Variants in SGCD observed in about 807,000 individuals in gnomAD.
The protein encoded by SGCD is sarcoglycan delta.
A neutral mutation model predicts 36.6 loss-of-function variants in SGCD; 18 were observed. The observed-to-expected ratio is 0.49, with a 90% CI of 0.34 to 0.73. The LOEUF is 0.73. Ranked by LOEUF, SGCD falls within the 30% of genes least tolerant of loss-of-function variation. The pLI, the probability that SGCD is intolerant of heterozygous loss-of-function variation, is 0.01. For missense variants in SGCD, 387 were observed against 346.7 expected (o/e 1.12, Z -0.92); for synonymous variants, 133 against 130.6 (o/e 1.02, Z -0.12).
Position 156,067,945 on chromosome 5 carries a change from C to A in SGCD, c.-281-49933C>A, listed in dbSNP as rs1317585068. Among the ~76,000 whole-genome samples the A allele has an allele frequency of 1.6e-4, 20 of 128,690 alleles. No homozygotes were observed. In the East Asian group the frequency reaches 3.9e-3, roughly 25 times the overall value. The allele number at this position is 128,690 out of a possible 152,430, so 84.4% of individuals were successfully genotyped here. A position where few individuals can be genotyped will look rare whatever the true frequency, so the allele number is the denominator to read the frequency against. ...GCTGTAGACCGGAGCTGTTCCTATTCGGCCATCTTGGCTCCTCCCCCCCAC... is the reference window on the plus strand; with the variant it reads ...GCTGTAGACCGGAGCTGTTCCTATTAGGCCATCTTGGCTCCTCCCCCCCAC... On this transcript the variant is annotated intron_variant, in intron 1 of 9. Coordinates refer to the SGCD transcript ENST00000517913.
intron 1 of SGCD, among the ~76,000 whole-genome samples, chr5:155,971,296 G>A (rs567053012): frequency 6.6e-6 from 1 of 152,252 alleles, no homozygotes; most frequent in East Asian, 1.9e-4. Flanking sequence ...CTGTCTGGCA[G>A]CAAAGTTCTC....
chr5:156,011,065 A>G (rs1455994993), intron 1 of SGCD, among the ~76,000 whole-genome samples: 1 of 152,190 alleles, frequency 6.6e-6, no homozygotes, highest in Non-Finnish European at 1.5e-5. Context: ...CATGTTTACC[A>G]TTGTGGCTTT....
the SGCD span, among the ~76,000 whole-genome samples, chr5:155,741,396 C>T: frequency 0.05 from 7,657 of 152,166 alleles, 264 homozygotes; most frequent in Middle Eastern, 0.16. Context: ...GAGAGTTTTG[C>T]GGGGCCATTT....
At chr5:155,747,218 A>G in the SGCD span, among the ~76,000 whole-genome samples, 1 of 152,236 alleles carries the variant, frequency 6.6e-6, no homozygotes, top group Admixed American at 6.5e-5. Context: ...TTTAAACAAA[A>G]TGTAATGTAG....
At chr5:156,300,452 C>A (rs1033962299) in intron 3 of SGCD, among the ~76,000 whole-genome samples, 1 of 151,928 alleles carries the variant, frequency 6.6e-6, no homozygotes, top group African/African-American at 2.4e-5. Flanking sequence ...TAATTGATTT[C>A]CAGTTTTATT....
chr5:156,704,310 T>C (rs1754652927), intron 7 of SGCD: 1 of 152,178 alleles, frequency 6.6e-6, no homozygotes, highest in African/African-American at 2.4e-5. Context: ...ACAATTCCAA[T>C]AAAAATTCTG....
intron 1 of SGCD, among the ~76,000 whole-genome samples, chr5:155,956,587 T>C (rs1273480429): frequency 6.6e-6 from 1 of 152,102 alleles, no homozygotes; most frequent in Admixed American, 6.5e-5. Flanking sequence ...AAATTTATTC[T>C]TCCATAGTTC....
At chr5:156,025,153 G>A in intron 1 of SGCD, among the ~76,000 whole-genome samples, 1 of 152,096 alleles carries the variant, frequency 6.6e-6, no homozygotes, top group East Asian at 1.9e-4. Flanking sequence ...TTTCCGTGTG[G>A]TGATTTAGTG....
chr5:155,770,690 C>G, the SGCD span, among the ~76,000 whole-genome samples: 1,134 of 152,208 alleles, frequency 7.5e-3, 14 homozygotes, highest in African/African-American at 0.026. Flanking sequence ...GTCACAACAT[C>G]CTGCATATAA....
intron 3 of SGCD, among the ~76,000 whole-genome samples, chr5:156,347,816 T>C (rs1189761373): frequency 6.6e-6 from 1 of 152,228 alleles, no homozygotes; most frequent in African/African-American, 2.4e-5. Flanking sequence ...TATGTAAATG[T>C]ATATTGAGTA....
chr5:156,298,026 A>C (rs1028229002), intron 3 of SGCD, among the ~76,000 whole-genome samples: 1 of 152,150 alleles, frequency 6.6e-6, no homozygotes, highest in Non-Finnish European at 1.5e-5. Flanking sequence ...ATGAGTGAAA[A>C]TATGCAAAGT....
intron 3 of SGCD, among the ~76,000 whole-genome samples, chr5:156,190,701 A>G (rs985764604): frequency 6.6e-6 from 1 of 152,188 alleles, no homozygotes; most frequent in African/African-American, 2.4e-5. Context: ...ATATTATATT[A>G]GAGGTAACAT....
chr5:156,653,204 G>A (rs979529292), intron 7 of SGCD, among the ~76,000 whole-genome samples: 1 of 152,004 alleles, frequency 6.6e-6, no homozygotes, highest in Non-Finnish European at 1.5e-5. Context: ...GTAGAATTTG[G>A]CTGTGAATCC....
intron 1 of SGCD, among the ~76,000 whole-genome samples, chr5:156,037,768 T>C (rs148808645): frequency 2.0e-5 from 3 of 152,330 alleles, no homozygotes; most frequent in African/African-American, 7.2e-5. Context: ...CCTGCCAATG[T>C]AGACAGACTA....
intron 1 of SGCD, among the ~76,000 whole-genome samples, chr5:156,073,272 C>T (rs1760644683): frequency 6.6e-6 from 1 of 152,146 alleles, no homozygotes; most frequent in Non-Finnish European, 1.5e-5. Context: ...TTATATCATA[C>T]TCTCTCACCC....
At chr5:156,709,248 A>G (rs889249866) in intron 7 of SGCD, among the ~76,000 whole-genome samples, 3 of 152,226 alleles carry the variant, frequency 2.0e-5, no homozygotes, top group African/African-American at 7.2e-5. Flanking sequence ...CCAAAAATAG[A>G]GACCCTGAAA....
chr5:156,605,494 T>C (rs1019302592), intron 6 of SGCD, among the ~76,000 whole-genome samples: 2 of 152,236 alleles, frequency 1.3e-5, no homozygotes, highest in Non-Finnish European at 2.9e-5. Flanking sequence ...GTGTGAATAG[T>C]GCTGCAATAA....
chr5:156,318,474 C>A (rs1366086020), intron 3 of SGCD, among the ~76,000 whole-genome samples: 2 of 152,130 alleles, frequency 1.3e-5, no homozygotes, highest in African/African-American at 4.8e-5. Context: ...CTGGAACAGA[C>A]CAACCACTCA....
chr5:156,451,587 T>G (rs1413360710), intron 3 of SGCD, among the ~76,000 whole-genome samples: 2 of 152,144 alleles, frequency 1.3e-5, no homozygotes, highest in Non-Finnish European at 2.9e-5. Context: ...CACAGAGAAA[T>G]CTGCCCTCCA....
Sources: allele counts gnomAD v4.1 joint callset (sites outside exome capture counted in the v4.1 genomes callset), GRCh38; gene constraint gnomAD v4.1.1; transcripts MANE v1.5; gene names NCBI Gene and HGNC (gene_info 2026-07-23, HGNC 2026-07-21).